Variants in SLC25A28 observed in about 807,000 individuals in gnomAD.
SLC25A28 encodes mitoferrin-2.
SLC25A28 carries 10 observed loss-of-function variants against 31.9 expected under a neutral mutation model. The observed-to-expected ratio is 0.31, with a 90% CI of 0.19 to 0.53. The LOEUF is 0.53. SLC25A28 is among the 20% of genes least tolerant of loss of function. The probability of loss-of-function intolerance (pLI) is 0.95; values close to 1 mark genes in which losing one functional copy is unlikely to be tolerated. For synonymous variants in SLC25A28, 208 were observed against 203.6 expected (o/e 1.02, Z -0.19); for missense variants, 256 against 490.3 (o/e 0.52, Z 4.51).
intron 1 of SLC25A28, chr10:99,617,773 T>G: frequency 1.0e-6 from 1 of 985,462 alleles, no homozygotes; most frequent in Non-Finnish European, 1.2e-6. Context: ...CTCAAATCAT[T>G]ATTTCCTTAA....
rs972353133 is a variant in SLC25A28 at position 99,613,352 on chromosome 10, G to A, written c.520+344C>T. On this transcript the variant is annotated intron_variant, in intron 2 of 3. Transcript: ENST00000370495. The surrounding 1 kb of genome is among the most constrained non-coding windows in gnomAD (Gnocchi z 4.9). Reference sequence around the variant, plus strand: ...TGGGTCGCCTCCAATCCTGCCCTAAGGAGCAGGACACCACCCAACTGTCAA... The same window carrying A: ...TGGGTCGCCTCCAATCCTGCCCTAAAGAGCAGGACACCACCCAACTGTCAA... The A allele has an allele frequency of 1.7e-6, 2 of 1,158,846 alleles. No homozygotes were observed. The highest frequency in any genetic ancestry group is 3.2e-5 in the African/African-American group (2 of 62,696). 71.8% of individuals were successfully genotyped at this position (1,158,846 alleles called of 1,614,324 possible).
intron 1 of SLC25A28, chr10:99,619,420 T>C: frequency 1.0e-6 from 1 of 985,450 alleles, no homozygotes; most frequent in Non-Finnish European, 1.2e-6. Context: ...AGGTGGGGTA[T>C]CATGCTTGCT....
rs958603033 is a variant in SLC25A28, at chr10:99,617,210, G to A, written c.291+2835C>T. 1.4e-5 allele frequency: 14 copies of A among 985,244 alleles called. No individual in the cohort carries two copies. The South Asian group carries it at 3.8e-4, about 26-fold the overall frequency. 61.0% of individuals were successfully genotyped at this position (985,244 alleles called of 1,614,324 possible). ...AATGTCCCCATAGATAAAGTCTGGCGCTTGCCTTTGAGGCCCAGAAAAGGA... is the reference window on the plus strand; with the variant it reads ...AATGTCCCCATAGATAAAGTCTGGCACTTGCCTTTGAGGCCCAGAAAAGGA... On this transcript the variant is annotated intron_variant, in intron 1 of 3. Transcript: ENST00000370495.
chr10:99,624,157 C>CT (rs2034840114), upstream of SLC25A28, among the ~76,000 whole-genome samples: 1 of 135,350 alleles, frequency 7.4e-6, no homozygotes, highest in African/African-American at 2.7e-5. Context: ...TTCTTTCTTT[C>CT]TTCCTTTCTC....
chr10:99,631,859 T>C, the SLC25A28 span, among the ~76,000 whole-genome samples: 2,108 of 149,804 alleles, frequency 0.014, 57 homozygotes, highest in African/African-American at 0.049. Flanking sequence ...GCATCTGTAC[T>C]GAACACGCTC....
At chr10:99,618,804 A>C (rs561406301) in intron 1 of SLC25A28, 2 of 985,444 alleles carry the variant, frequency 2.0e-6, no homozygotes, top group South Asian at 9.4e-5. Context: ...TTCTAATGAA[A>C]AACATGAAAC....
rs2034590750 is a variant in SLC25A28, at chr10:99,613,951, A to G, written c.292-27T>C. The G allele has an allele frequency of 1.3e-6, 2 of 1,559,478 alleles. No homozygotes were observed. Among genetic ancestry groups the G allele is most frequent in the East Asian group, 4.6e-5 (2 of 43,398 alleles). ...TGAAATTACAGCAAGGAGAAGCGCAATGTCAGCAATGCCAACTTCTCGCCC... is the reference window on the plus strand; with the variant it reads ...TGAAATTACAGCAAGGAGAAGCGCAGTGTCAGCAATGCCAACTTCTCGCCC... On this transcript the variant is annotated intron_variant, in intron 1 of 3. Coordinates refer to ENST00000370495, the MANE Select transcript of SLC25A28 (RefSeq NM_031212.4). The surrounding 1 kb of genome is among the most constrained non-coding windows in gnomAD (Gnocchi z 4.9).
At chr10:99,632,536 A>G in the SLC25A28 span, among the ~76,000 whole-genome samples, 2 of 152,178 alleles carry the variant, frequency 1.3e-5, no homozygotes, top group Non-Finnish European at 2.9e-5. Flanking sequence ...TTAGACCTCA[A>G]CAAATGTGGA....
At chr10:99,635,749 ATAAACT>A in the SLC25A28 span, among the ~76,000 whole-genome samples, 2 of 152,222 alleles carry the variant, frequency 1.3e-5, no homozygotes, top group Non-Finnish European at 2.9e-5. Flanking sequence ...AAGGACTCAC[ATAAACT>A]TAAAGTAAAG....
chr10:99,620,962 T>C (rs1222413878), upstream of SLC25A28: 1 of 985,146 alleles, frequency 1.0e-6, no homozygotes, highest in Non-Finnish European at 1.2e-6. Context: ...TCCCGTGCGC[T>C]CCTCAAATTC....
the SLC25A28 span, among the ~76,000 whole-genome samples, chr10:99,631,681 G>C: frequency 6.6e-6 from 1 of 151,998 alleles, no homozygotes; most frequent in African/African-American, 2.4e-5. Context: ...ATGAGAATGG[G>C]AAGGATAGCC....
chr10:99,613,661 G>GA lies in SLC25A28; in HGVS notation c.520+34dup. 6.2e-7 allele frequency: 1 copy of GA among 1,614,050 alleles called. No individual in the cohort carries two copies. Among genetic ancestry groups the GA allele is most frequent in the South Asian group, 1.1e-5 (1 of 91,000 alleles). On this transcript the variant is annotated intron_variant, in intron 2 of 3. Coordinates refer to ENST00000370495, the MANE Select transcript of SLC25A28 (RefSeq NM_031212.4). This position sits in a 1 kb window ranked among gnomAD's most constrained non-coding sequence, Gnocchi z 4.9. Reference sequence around the variant, plus strand: ...ACAGCAGCAAAGCCCAAAGAGTTGGGAAAGTGGGGGAACCAGCACAGGAAG... The same window carrying GA: ...ACAGCAGCAAAGCCCAAAGAGTTGGGAAAAGTGGGGGAACCAGCACAGGAAG...
At chr10:99,617,795 C>T (rs1321830787) in intron 1 of SLC25A28, 27 of 985,176 alleles carry the variant, frequency 2.7e-5, no homozygotes, top group Non-Finnish European at 3.3e-5. Flanking sequence ...AGAGGGCTTT[C>T]AGGCATAACT....
chr10:99,653,365 GC>G, the SLC25A28 span, among the ~76,000 whole-genome samples: 1 of 152,170 alleles, frequency 6.6e-6, no homozygotes, highest in African/African-American at 2.4e-5. Context: ...GCATCAACTT[GC>G]CAGCCATGCA....
chr10:99,619,316 A>C (rs916965208), intron 1 of SLC25A28: 8 of 985,314 alleles, frequency 8.1e-6, no homozygotes, highest in Non-Finnish European at 9.6e-6. Flanking sequence ...TGGCCAAAGA[A>C]ATATGCTATC....
At chr10:99,633,671 GA>G in the SLC25A28 span, among the ~76,000 whole-genome samples, 6 of 139,000 alleles carry the variant, frequency 4.3e-5, no homozygotes, top group Middle Eastern at 3.7e-3. Context: ...TCTGTCTTAA[GA>G]AAAAAAAAAA....
At chr10:99,616,496 C>A (rs1225902604) in intron 1 of SLC25A28, 1 of 984,544 alleles carries the variant, frequency 1.0e-6, no homozygotes, top group African/African-American at 1.7e-5. Context: ...ATCATGGTAG[C>A]ATTGCCTCCT....
the SLC25A28 span, among the ~76,000 whole-genome samples, chr10:99,628,541 T>C: frequency 2.0e-5 from 3 of 152,230 alleles, no homozygotes; most frequent in African/African-American, 4.8e-5. Context: ...AACACAATCA[T>C]TGGGCGGTTG....
chr10:99,638,991 T>A, the SLC25A28 span, among the ~76,000 whole-genome samples: 1 of 148,424 alleles, frequency 6.7e-6, no homozygotes, highest in Admixed American at 6.7e-5. Flanking sequence ...TGCACACACA[T>A]GTTTATAACA....
Sources: allele counts gnomAD v4.1 joint callset (sites outside exome capture counted in the v4.1 genomes callset), GRCh38; gene constraint gnomAD v4.1.1; non-coding constraint Gnocchi (gnomAD v3.1); transcripts MANE v1.5; gene names NCBI Gene and HGNC (gene_info 2026-07-23, HGNC 2026-07-21).